PRKN: variants seen among roughly 807,000 people sequenced by gnomAD.
PRKN encodes parkin RBR E3 ubiquitin protein ligase, also known as E3 ubiquitin-protein ligase parkin.
PRKN carries 56 observed loss-of-function variants against 59.5 expected under a neutral mutation model. The observed-to-expected ratio is 0.94, with a 90% CI of 0.76 to 1.18. The LOEUF (loss-of-function observed/expected upper bound fraction) is 1.18, where lower values mean the gene tolerates loss of function less well. Among genes scored for constraint, PRKN ranks in the 50% most tolerant of loss-of-function variants. PRKN has a pLI of 0.00. For synonymous variants in PRKN, 250 were observed against 222.1 expected (o/e 1.13, Z -1.12); for missense variants, 657 against 596.4 (o/e 1.10, Z -1.06).
At chr6:161,901,372 T>TG in intron 6 of PRKN, among the ~76,000 whole-genome samples, 1 of 152,164 alleles carries the variant, frequency 6.6e-6, no homozygotes, top group Non-Finnish European at 1.5e-5. Flanking sequence ...CAGTCCTGCC[T>TG]GGGGGAGAGA....
chr6:162,007,768 C>A (rs536711975), intron 5 of PRKN, among the ~76,000 whole-genome samples: 1 of 152,118 alleles, frequency 6.6e-6, no homozygotes, highest in African/African-American at 2.4e-5. Flanking sequence ...GGTTCCAAAT[C>A]AATTCGAATT....
chr6:162,162,951 T>C (rs1782821946), intron 4 of PRKN, among the ~76,000 whole-genome samples: 1 of 148,768 alleles, frequency 6.7e-6, no homozygotes, highest in Non-Finnish European at 1.5e-5. Context: ...GAGGTTGCAG[T>C]GAGCCGAGAT....
At chr6:162,614,377 G>A (rs1384742684) in intron 1 of PRKN, among the ~76,000 whole-genome samples, 1 of 152,060 alleles carries the variant, frequency 6.6e-6, no homozygotes, top group Non-Finnish European at 1.5e-5. Context: ...TGCTTTACAT[G>A]CCATTTTAGT....
At chr6:162,242,371 G>C (rs574324415) in intron 3 of PRKN, among the ~76,000 whole-genome samples, 1 of 152,244 alleles carries the variant, frequency 6.6e-6, no homozygotes, top group South Asian at 2.1e-4. Context: ...AACTGAGAAA[G>C]TTGCTCAGTT....
chr6:162,634,549 T>C (rs971827818), intron 1 of PRKN, among the ~76,000 whole-genome samples: 3 of 152,178 alleles, frequency 2.0e-5, no homozygotes, highest in African/African-American at 7.2e-5. Flanking sequence ...AGGCAGAGCT[T>C]TGATGTCTTA....
rs569470967 is a variant in PRKN at position 161,445,765 on chromosome 6, C to T, written c.1084-58888G>A. Reference sequence around the variant, plus strand: ...GTGATGAGCTGGGCCCACTTTCCTGCTATTGGCCGCCAGCAAAGAATACAA... The same window carrying T: ...GTGATGAGCTGGGCCCACTTTCCTGTTATTGGCCGCCAGCAAAGAATACAA... On this transcript the variant is annotated intron_variant, in intron 9 of 11. Coordinates refer to ENST00000366898, the MANE Select transcript of PRKN (RefSeq NM_004562.3). This position sits in a 1 kb window ranked among gnomAD's most constrained non-coding sequence, Gnocchi z 7.7. Among the ~76,000 whole-genome samples the T allele has an allele frequency of 6.6e-6, 1 of 152,132 alleles. No individual in the cohort carries two copies. The highest frequency in any genetic ancestry group is 2.4e-5 in the African/African-American group (1 of 41,496).
chr6:161,549,123 T>C lies in PRKN; in HGVS notation c.934-120A>G, dbSNP rs1459243698. ...CAGTTTCAGTAAAATAATGCATGTG[T>C]GTGTGTGTGTGTGTGTGTAGGGGGA... is the stretch of plus-strand genomic sequence containing the variant. On this transcript the variant is annotated intron_variant, in intron 8 of 11. Coordinates refer to ENST00000366898, the MANE Select transcript of PRKN (RefSeq NM_004562.3). The surrounding 1 kb of genome is among the most constrained non-coding windows in gnomAD (Gnocchi z 6.0). The C allele has an allele frequency of 2.6e-6, 1 of 387,886 alleles. No individual in the cohort carries two copies. The highest frequency in any genetic ancestry group is 4.4e-6 in the Non-Finnish European group (1 of 228,502). The allele number at this position is 387,886 out of a possible 1,614,324, so 24.0% of individuals were successfully genotyped here.
chr6:162,246,425 T>A (rs1177523866), intron 3 of PRKN, among the ~76,000 whole-genome samples: 2 of 152,040 alleles, frequency 1.3e-5, no homozygotes, highest in African/African-American at 2.4e-5. Context: ...AAAATAGATT[T>A]TGGTTGTTGA....
intron 1 of PRKN, among the ~76,000 whole-genome samples, chr6:162,469,406 G>C (rs1014284118): frequency 6.6e-6 from 1 of 151,574 alleles, no homozygotes; most frequent in Non-Finnish European, 1.5e-5. Context: ...GCAGATGCAT[G>C]TTTATAGCAG....
chr6:162,624,972 G>T (rs2128221526), intron 1 of PRKN, among the ~76,000 whole-genome samples: 1 of 152,322 alleles, frequency 6.6e-6, no homozygotes, highest in East Asian at 1.9e-4. Context: ...TCAACCATCT[G>T]CTACCACTTC....
rs1394856014 is a variant in PRKN at position 161,397,674 on chromosome 6, C to T, written c.1084-10797G>A. 1.3e-5 allele frequency among the ~76,000 whole-genome samples: 2 copies of T among 152,140 alleles called. No homozygotes were observed. Among genetic ancestry groups the T allele is most frequent in the African/African-American group, 4.8e-5 (2 of 41,416 alleles). On this transcript the variant is annotated intron_variant, in intron 9 of 11. Transcript: ENST00000366898. This position sits in a 1 kb window ranked among gnomAD's most constrained non-coding sequence, Gnocchi z 4.2. ...TTGCAAGGACCTAACAGAATAATGG[C>T]AATCATCAAACCTTTGCAGAATAAA...
intron 2 of PRKN, among the ~76,000 whole-genome samples, chr6:162,274,718 T>C (rs913016233): frequency 1.3e-5 from 2 of 152,210 alleles, no homozygotes; most frequent in Non-Finnish European, 2.9e-5. Context: ...TTTCTCATAA[T>C]CTAAATTTTG....
chr6:161,586,501 C>T (rs1256312024), intron 7 of PRKN, among the ~76,000 whole-genome samples: 3 of 152,132 alleles, frequency 2.0e-5, no homozygotes, highest in South Asian at 2.1e-4. Flanking sequence ...CCTTAAGCTC[C>T]GTTTCTAAAT....
At chr6:162,050,969 C>G (rs1423201708) in intron 5 of PRKN, among the ~76,000 whole-genome samples, 1 of 152,110 alleles carries the variant, frequency 6.6e-6, no homozygotes, top group Non-Finnish European at 1.5e-5. Flanking sequence ...AAGCAGCAGC[C>G]ATTATTTACT....
intron 4 of PRKN, among the ~76,000 whole-genome samples, chr6:162,086,480 C>CTGTT (rs897449075): frequency 2.0e-5 from 3 of 152,140 alleles, no homozygotes; most frequent in Non-Finnish European, 2.9e-5. Flanking sequence ...AAACGACTCG[C>CTGTT]TGTTACCATA....
At chr6:161,967,033 T>G (rs1780608941) in intron 6 of PRKN, among the ~76,000 whole-genome samples, 2 of 152,188 alleles carry the variant, frequency 1.3e-5, no homozygotes, top group South Asian at 4.1e-4. Context: ...GGTTTCACTA[T>G]GTTGGCCAGG....
At chr6:161,671,152 C>T (rs1784894496) in intron 7 of PRKN, among the ~76,000 whole-genome samples, 1 of 152,110 alleles carries the variant, frequency 6.6e-6, no homozygotes, top group Non-Finnish European at 1.5e-5. Context: ...GATGGGATAC[C>T]TGCATGGGGA....
chr6:161,375,331 G>A (rs541354026), intron 10 of PRKN, among the ~76,000 whole-genome samples: 2 of 152,292 alleles, frequency 1.3e-5, no homozygotes, highest in South Asian at 4.1e-4. Context: ...AGCGCTTGGA[G>A]AGCCCCAGCC....
chr6:161,968,004 T>C (rs1204613982), intron 6 of PRKN, among the ~76,000 whole-genome samples: 1 of 152,056 alleles, frequency 6.6e-6, no homozygotes, highest in Non-Finnish European at 1.5e-5. Context: ...AAGCCAGTGA[T>C]GGACATTATC....
Sources: gnomAD v4.1 joint callset for allele counts (sites outside exome capture counted in the v4.1 genomes callset) on GRCh38, gnomAD v4.1.1 for gene constraint, Gnocchi (gnomAD v3.1) non-coding constraint, MANE v1.5 for transcripts, NCBI Gene and HGNC (gene_info 2026-07-23, HGNC 2026-07-21) for gene names.